MID2: variants seen among roughly 807,000 people sequenced by gnomAD.
MID2 encodes midline 2, also known as probable E3 ubiquitin-protein ligase MID2.
MID2 carries 13 observed loss-of-function variants against 46.1 expected under a neutral mutation model. The ratio of observed to expected loss-of-function variants is 0.28; its 90% CI spans 0.18 to 0.45. MID2 has a LOEUF of 0.45. MID2 is among the 20% of genes least tolerant of loss of function. MID2 has a pLI of 1.00. For missense variants in MID2, 431 were observed against 575.4 expected (o/e 0.75, Z 2.57); for synonymous variants, 199 against 212.3 (o/e 0.94, Z 0.55).
Position 107,841,211 on chromosome X carries a change from G to A in MID2, c.546G>A (p.Val182=). The stretch of plus-strand genomic sequence containing the variant: ...AACCTTTCACCAGCCACCGCCTGGT[G>A]GAACCAGTGCCAGACACACATCTTC... ...NKKPFTSHRL[V]EPVPDTHLRG... is the part of the protein sequence containing the mutation. The change falls in exon 2 of 10, where the codon GTG becomes GTA. Residue 182 remains valine, a synonymous_variant. Coordinates refer to ENST00000262843, the MANE Select transcript of MID2 (RefSeq NM_012216.4). 1 of 1,211,759 alleles carries A rather than the reference G, an allele frequency of 8.3e-7. No individual in the cohort carries two copies. The highest frequency in any genetic ancestry group is 1.1e-6 in the Non-Finnish European group (1 of 895,495).
At chrX:107,859,510 A>C (rs1490915970) in intron 3 of MID2, among the ~76,000 whole-genome samples, 2 of 112,335 alleles carry the variant, frequency 1.8e-5, no homozygotes, top group Admixed American at 1.9e-4. Flanking sequence ...TGGTGCCTTA[A>C]GCACTGGGTG....
intron 2 of MID2, among the ~76,000 whole-genome samples, chrX:107,846,064 TGA>T (rs1318904741): frequency 9.0e-6 from 1 of 111,313 alleles, no homozygotes; most frequent in Non-Finnish European, 1.9e-5. Flanking sequence ...TGTGAAGATG[TGA>T]GAGTGTGTAA....
chrX:107,827,766 C>T (rs1930988687), intron 1 of MID2, among the ~76,000 whole-genome samples: 1 of 104,394 alleles, frequency 9.6e-6, no homozygotes, highest in South Asian at 4.8e-4. Flanking sequence ...TCACATCCCC[C>T]TGTCTGTCTC....
At chrX:107,871,327 G>A (rs944631401) in intron 3 of MID2, among the ~76,000 whole-genome samples, 2 of 111,589 alleles carry the variant, frequency 1.8e-5, no homozygotes, top group African/African-American at 6.5e-5. Flanking sequence ...CGTGTTCCAC[G>A]CCTTGCAGGA....
intron 3 of MID2, among the ~76,000 whole-genome samples, chrX:107,876,494 G>A (rs1423788920): frequency 9.0e-6 from 1 of 111,119 alleles, no homozygotes; most frequent in African/African-American, 3.3e-5. Flanking sequence ...GTATAACTGA[G>A]AGGCTTAGTT....
intron 7 of MID2, among the ~76,000 whole-genome samples, chrX:107,921,642 G>A (rs1221460942): frequency 9.0e-6 from 1 of 111,262 alleles, no homozygotes; most frequent in Non-Finnish European, 1.9e-5. Context: ...TCTACTATAA[G>A]CAAGAGTTCC....
intron 3 of MID2, among the ~76,000 whole-genome samples, chrX:107,861,646 G>A (rs893028512): frequency 6.2e-5 from 7 of 112,213 alleles, no homozygotes; most frequent in Non-Finnish European, 1.1e-4. Context: ...ACAAACAAAA[G>A]GAAATGCAGG....
intron 5 of MID2, among the ~76,000 whole-genome samples, chrX:107,907,846 C>T (rs1932849540): frequency 8.9e-6 from 1 of 112,128 alleles, no homozygotes; most frequent in Admixed American, 9.4e-5. Context: ...TAGCAATCTC[C>T]TCATTCTCAA....
chrX:107,897,011 GA>G (rs1399790962), intron 3 of MID2, among the ~76,000 whole-genome samples: 1 of 111,491 alleles, frequency 9.0e-6, no homozygotes, highest in East Asian at 2.8e-4. Flanking sequence ...GGGTTAATGG[GA>G]AAAGTAAACA....
Position 107,889,791 on chromosome X carries a change from A to G in MID2, c.817-14167A>G, listed in dbSNP as rs1334392618. 4.5e-5 allele frequency among the ~76,000 whole-genome samples: 5 copies of G among 111,773 alleles called. No homozygotes were observed. The East Asian group carries it at 8.4e-4, about 19-fold the overall frequency. ...AGATTTGGTCTTTTCACATAGTCTC[A>G]TATTTTTTGGAGGCTTCGTTCATTT... On this transcript the variant is annotated intron_variant, in intron 3 of 9. Transcript: ENST00000262843.
Position 107,927,277 on chromosome X carries a change from T to C in MID2, c.*204T>C, listed in dbSNP as rs1362636839. ...AGTTTTTCAGAACAAATTATCTGAG[T>C]AGTCTGCGTTCAAGCCATTGGAGAA... On this transcript the variant is annotated 3_prime_UTR_variant, in exon 10 of 10. Transcript: ENST00000262843. 4 of 357,828 alleles carry C rather than the reference T, an allele frequency of 1.1e-5. No individual in the cohort carries two copies. Among genetic ancestry groups the C allele is most frequent in the African/African-American group, 5.2e-5 (2 of 38,167 alleles). 29.5% of individuals were successfully genotyped at this position (357,828 alleles called of 1,213,427 possible).
chrX:107,916,546 T>G (rs1932973821), intron 6 of MID2, among the ~76,000 whole-genome samples: 1 of 111,638 alleles, frequency 9.0e-6, no homozygotes, highest in Non-Finnish European at 1.9e-5. Flanking sequence ...GGAAGAAAAA[T>G]GTAAGAAATA....
chrX:107,917,507 C>T lies in MID2; in HGVS notation c.1203C>T (p.Ala401=), dbSNP rs1354699780. 1 of 1,203,261 alleles carries T rather than the reference C, an allele frequency of 8.3e-7. No homozygotes were observed. Among genetic ancestry groups the T allele is most frequent in the Non-Finnish European group, 1.1e-6 (1 of 888,366 alleles). ...KLLEGLDYLT[A]PNPPSIREEL... ...TTTCTTTTCCACCTTTCCTTACAGC[C>T]CCAAACCCACCATCTATCCGAGAAG... The change falls in exon 7 of 10, where the codon GCC becomes GCT. Residue 401 remains alanine (A), a splice_region_variant and synonymous_variant. Coordinates refer to ENST00000262843, the MANE Select transcript of MID2 (RefSeq NM_012216.4).
chrX:107,910,829 TTTCCTTTCC>T (rs1461343044), intron 5 of MID2, among the ~76,000 whole-genome samples: 5 of 48,044 alleles, frequency 1.0e-4, no homozygotes, highest in African/African-American at 5.1e-4. Context: ...TTTCCTTTCC[TTTCCTTTCC>T]CTCTCTCTTT....
chrX:107,882,648 A>G (rs1050088082), intron 3 of MID2, among the ~76,000 whole-genome samples: 6 of 112,017 alleles, frequency 5.4e-5, no homozygotes, highest in Admixed American at 1.9e-4. Context: ...CAAAACCACA[A>G]TGAGATACCA....
At chrX:107,843,649 G>A (rs1359735061) in intron 2 of MID2, among the ~76,000 whole-genome samples, 3 of 111,310 alleles carry the variant, frequency 2.7e-5, no homozygotes, top group African/African-American at 9.8e-5. Flanking sequence ...GGAGGTGAGA[G>A]AGGTACTGGT....
intron 3 of MID2, among the ~76,000 whole-genome samples, chrX:107,890,700 T>C (rs1037054914): frequency 1.8e-5 from 2 of 112,081 alleles, no homozygotes; most frequent in African/African-American, 6.5e-5. Flanking sequence ...TGTTTGGCTA[T>C]GCCCTGCCCC....
intron 1 of MID2, among the ~76,000 whole-genome samples, chrX:107,826,803 C>A (rs1930961387): frequency 8.8e-6 from 1 of 113,533 alleles, no homozygotes; most frequent in Non-Finnish European, 1.9e-5. Flanking sequence ...CGGCCGCCTT[C>A]CCACGCTCCC....
At chrX:107,885,895 T>G in intron 3 of MID2, among the ~76,000 whole-genome samples, 1 of 112,392 alleles carries the variant, frequency 8.9e-6, no homozygotes. Context: ...TTTTTTCATG[T>G]GTCTTTTGGC....
Sources: allele counts gnomAD v4.1 joint callset (sites outside exome capture counted in the v4.1 genomes callset), GRCh38; gene constraint gnomAD v4.1.1; transcripts MANE v1.5; gene names NCBI Gene and HGNC (gene_info 2026-07-23, HGNC 2026-07-21).